FSTL5: variants seen among roughly 807,000 people sequenced by gnomAD.
The protein encoded by FSTL5 is follistatin-related protein 5.
Under a neutral mutation model 89.1 loss-of-function variants are expected in FSTL5, and 62 were observed. The observed-to-expected ratio is 0.70, with a 90% confidence interval of 0.57 to 0.86. The LOEUF is 0.86. Among genes scored for constraint, FSTL5 ranks in the 40% least tolerant of loss-of-function variants. The pLI is 0.00. For missense variants in FSTL5, 1,057 were observed against 1,001.6 expected, an observed-to-expected ratio of 1.06 and a Z score of -0.75; for synonymous variants, 383 against 346.2, an observed-to-expected ratio of 1.11 and a Z score of -1.18.
intron 10 of FSTL5, among the ~76,000 whole-genome samples, chr4:161,510,849 A>G (rs1477070749): frequency 6.6e-6 from 1 of 151,872 alleles, no homozygotes; most frequent in African/African-American, 2.4e-5. Flanking sequence ...ATATTTTCAC[A>G]TAATATGAAA....
chr4:162,075,350 A>G (rs1729793751), intron 2 of FSTL5, among the ~76,000 whole-genome samples: 1 of 151,886 alleles, frequency 6.6e-6, no homozygotes, highest in South Asian at 2.1e-4. Flanking sequence ...ACTGAGACAG[A>G]GGCCATCTTC....
intron 7 of FSTL5, among the ~76,000 whole-genome samples, chr4:161,654,237 G>A (rs1030230768): frequency 1.3e-5 from 2 of 152,058 alleles, no homozygotes; most frequent in African/African-American, 2.4e-5. Flanking sequence ...ATCAATCATA[G>A]CATATACTTT....
At chr4:161,703,706 T>C (rs1738477261) in intron 6 of FSTL5, among the ~76,000 whole-genome samples, 1 of 152,110 alleles carries the variant, frequency 6.6e-6, no homozygotes, top group South Asian at 2.1e-4. Context: ...ATAGGAGAAG[T>C]GATATATAAC....
chr4:161,866,114 A>G (rs186543202), intron 4 of FSTL5, among the ~76,000 whole-genome samples: 1 of 152,324 alleles, frequency 6.6e-6, no homozygotes, highest in Admixed American at 6.5e-5. Context: ...AGTTGTTATT[A>G]GTTTGTCTCC....
chr4:162,049,819 CTA>C (rs1738322101), intron 2 of FSTL5, among the ~76,000 whole-genome samples: 1 of 151,878 alleles, frequency 6.6e-6, no homozygotes, highest in African/African-American at 2.4e-5. Flanking sequence ...AGCATGATGA[CTA>C]TACTTCAGAA....
intron 6 of FSTL5, among the ~76,000 whole-genome samples, chr4:161,696,712 T>C (rs756237040): frequency 2.0e-5 from 3 of 152,152 alleles, no homozygotes; most frequent in Non-Finnish European, 2.9e-5. Context: ...TTTGCAGCTA[T>C]TGTAAAAGGG....
chr4:161,776,971 T>C (rs1374556118), intron 4 of FSTL5, among the ~76,000 whole-genome samples: 1 of 151,748 alleles, frequency 6.6e-6, no homozygotes, highest in East Asian at 1.9e-4. Context: ...TCTTATTCCT[T>C]CTAACTGTAT....
rs1161780039 is a variant in FSTL5, at chr4:161,422,366, TTACTACTA to T, written c.1841+32630_1841+32637del. Among the ~76,000 whole-genome samples the T allele has an allele frequency of 3.9e-5, 6 of 152,294 alleles. No homozygotes were observed. In the East Asian group the frequency reaches 5.8e-4, roughly 15 times the overall value. On this transcript the variant is annotated intron_variant, in intron 15 of 15. Transcript: ENST00000306100. ...CTTTCGATGTAAAGAGCGTCTACTA[TTACTACTA>T]TTGATATTTTAATGAGAGTCATTAT... is the stretch of plus-strand genomic sequence containing the variant.
At chr4:162,041,761 A>T (rs1269015609) in intron 2 of FSTL5, 4 of 152,198 alleles carry the variant, frequency 2.6e-5, no homozygotes, top group African/African-American at 9.6e-5. Context: ...ACAAAAAAAA[A>T]ATCAAACTAG....
chr4:161,397,154 C>A (rs1277353846), intron 15 of FSTL5, among the ~76,000 whole-genome samples: 2 of 152,008 alleles, frequency 1.3e-5, no homozygotes, highest in African/African-American at 2.4e-5. Context: ...AAATTTTGTT[C>A]TAGGTCAAAA....
intron 8 of FSTL5, among the ~76,000 whole-genome samples, chr4:161,562,191 T>C (rs1732629456): frequency 6.6e-6 from 1 of 152,070 alleles, no homozygotes; most frequent in African/African-American, 2.4e-5. Context: ...TATTGATCTA[T>C]GTCTATGCTG....
At chr4:161,860,447 G>A (rs896196790) in intron 4 of FSTL5, among the ~76,000 whole-genome samples, 1 of 152,188 alleles carries the variant, frequency 6.6e-6, no homozygotes, top group African/African-American at 2.4e-5. Context: ...AAGCTTTGAA[G>A]AATTCAAAGG....
At chr4:161,431,223 A>G (rs553431527) in intron 15 of FSTL5, among the ~76,000 whole-genome samples, 12 of 152,296 alleles carry the variant, frequency 7.9e-5, no homozygotes, top group African/African-American at 2.9e-4. Context: ...AAATGAACCT[A>G]TCAAAATAAT....
chr4:161,692,066 G>A (rs540705706), intron 6 of FSTL5, among the ~76,000 whole-genome samples: 8 of 150,126 alleles, frequency 5.3e-5, no homozygotes, highest in African/African-American at 1.5e-4. Context: ...CCTTTTGTAC[G>A]TTTTTTTTTC....
At chr4:161,692,620 T>C (rs1194094800) in intron 6 of FSTL5, among the ~76,000 whole-genome samples, 2 of 152,106 alleles carry the variant, frequency 1.3e-5, no homozygotes, top group Admixed American at 1.3e-4. Context: ...GGTGAATGTG[T>C]CCAGGGGGAC....
At chr4:161,573,884 T>C (rs534399827) in intron 8 of FSTL5, among the ~76,000 whole-genome samples, 8 of 152,236 alleles carry the variant, frequency 5.3e-5, no homozygotes, top group Admixed American at 4.6e-4. Flanking sequence ...TATTCTCTTA[T>C]ATTCTGGAGG....
chr4:162,109,701 G>C (rs892329208), intron 2 of FSTL5, among the ~76,000 whole-genome samples: 1 of 151,920 alleles, frequency 6.6e-6, no homozygotes, highest in Non-Finnish European at 1.5e-5. Flanking sequence ...ATGATATTTA[G>C]CAAGGGAACA....
intron 15 of FSTL5, among the ~76,000 whole-genome samples, chr4:161,390,143 T>A: frequency 6.6e-6 from 1 of 152,100 alleles, no homozygotes; most frequent in African/African-American, 2.4e-5. Context: ...CCACCTTCAC[T>A]AGAGGCACTG....
At chr4:161,822,099 A>G (rs1198089138) in intron 4 of FSTL5, among the ~76,000 whole-genome samples, 2 of 147,502 alleles carry the variant, frequency 1.4e-5, no homozygotes, top group African/African-American at 5.0e-5. Context: ...AACATCTACT[A>G]TTTTTTTTTT....
Sources: allele counts gnomAD v4.1 joint callset (sites outside exome capture counted in the v4.1 genomes callset), GRCh38; gene constraint gnomAD v4.1.1; transcripts MANE v1.5; gene names NCBI Gene and HGNC (gene_info 2026-07-23, HGNC 2026-07-21).